The following LDLRAD4 variants were observed in gnomAD, a reference collection of about 807,000 sequenced individuals.
LDLRAD4 encodes low density lipoprotein receptor class A domain containing 4.
In LDLRAD4, 5 loss-of-function variants were observed where a neutral mutation model predicts 17.0. That is an observed-to-expected ratio of 0.29 (90% CI 0.15 to 0.62). The LOEUF (loss-of-function observed/expected upper bound fraction) is 0.62, where lower values mean the gene tolerates loss of function less well. LDLRAD4 is among the 20% of genes least tolerant of loss of function. LDLRAD4 has a pLI of 0.84. For missense variants in LDLRAD4, 340 were observed against 424.7 expected, an observed-to-expected ratio of 0.80 and a Z score of 1.75; for synonymous variants, 168 against 171.8, an observed-to-expected ratio of 0.98 and a Z score of 0.17.
chr18:13,551,577 G>C (rs964679897), intron 3 of LDLRAD4, among the ~76,000 whole-genome samples: 5 of 152,158 alleles, frequency 3.3e-5, no homozygotes, highest in African/African-American at 1.2e-4. Context: ...CCGTAGAACT[G>C]GGGGGAGTTA....
rs369342928 is a variant in LDLRAD4 at position 13,594,497 on chromosome 18, C to A, written c.182-26620C>A. ...TTAAGGCCAGCATGGTGAAAGCCAT[C>A]CCTACTAAAAATATAAAAATTAGCA... On this transcript the variant is annotated intron_variant, in intron 3 of 5. Coordinates refer to ENST00000359446, the Ensembl canonical transcript of LDLRAD4. Among the ~76,000 whole-genome samples, 9 of 151,752 alleles carry A rather than the reference C, an allele frequency of 5.9e-5. No homozygotes were observed. In the East Asian group the frequency reaches 1.2e-3, roughly 20 times the overall value.
chr18:13,229,391 A>G (rs2041960344), intron 1 of LDLRAD4, among the ~76,000 whole-genome samples: 1 of 152,216 alleles, frequency 6.6e-6, no homozygotes, highest in African/African-American at 2.4e-5. Context: ...AGGATTAGAT[A>G]AGATCATATG....
chr18:13,238,679 G>T (rs1367503777), intron 1 of LDLRAD4, among the ~76,000 whole-genome samples: 1 of 152,190 alleles, frequency 6.6e-6, no homozygotes, highest in African/African-American at 2.4e-5. Context: ...ACCAAATCTG[G>T]GTTACTTTTA....
intron 3 of LDLRAD4, among the ~76,000 whole-genome samples, chr18:13,582,687 C>T (rs2094879751): frequency 6.6e-6 from 1 of 152,142 alleles, no homozygotes; most frequent in Non-Finnish European, 1.5e-5. Context: ...TGTGGCTCCA[C>T]TTCATCTCTG....
chr18:13,333,837 C>T (rs1208879393), intron 1 of LDLRAD4, among the ~76,000 whole-genome samples: 1 of 152,216 alleles, frequency 6.6e-6, no homozygotes, highest in Non-Finnish European at 1.5e-5. Flanking sequence ...TCAGGTAGTG[C>T]TAGCACATTG....
At chr18:13,625,672 G>C (rs955347064) in intron 4 of LDLRAD4, among the ~76,000 whole-genome samples, 4 of 151,582 alleles carry the variant, frequency 2.6e-5, no homozygotes, top group Non-Finnish European at 5.9e-5. Context: ...TGCAGGTGAG[G>C]AGCCGCAGCC....
intron 3 of LDLRAD4, among the ~76,000 whole-genome samples, chr18:13,534,931 G>A (rs956306390): frequency 5.9e-5 from 9 of 152,140 alleles, no homozygotes; most frequent in African/African-American, 2.2e-4. Flanking sequence ...CATGCATTAT[G>A]TCATCCTTGC....
intron 1 of LDLRAD4, among the ~76,000 whole-genome samples, chr18:13,256,365 C>T (rs2043502271): frequency 6.6e-6 from 1 of 152,164 alleles, no homozygotes; most frequent in Non-Finnish European, 1.5e-5. Flanking sequence ...AGTCACCCTC[C>T]TGGGGTCACA....
intron 1 of LDLRAD4, among the ~76,000 whole-genome samples, chr18:13,224,611 C>G (rs1477380872): frequency 1.3e-5 from 2 of 150,284 alleles, no homozygotes; most frequent in Non-Finnish European, 2.9e-5. Flanking sequence ...TCCCGAGTAG[C>G]TGGGATTACA....
chr18:13,489,015 G>A (rs996046500), intron 3 of LDLRAD4: 9 of 152,272 alleles, frequency 5.9e-5, no homozygotes, highest in Admixed American at 2.6e-4. Context: ...GAAAGTGTGG[G>A]GGCAGACTCA....
chr18:13,550,729 C>T (rs1026165092), intron 3 of LDLRAD4, among the ~76,000 whole-genome samples: 4 of 152,188 alleles, frequency 2.6e-5, no homozygotes, highest in Admixed American at 6.5e-5. Flanking sequence ...GACAGCCCTC[C>T]GGCCATCCAG....
intron 3 of LDLRAD4, among the ~76,000 whole-genome samples, chr18:13,441,814 G>A (rs565357782): frequency 8.0e-4 from 122 of 152,326 alleles, no homozygotes; most frequent in African/African-American, 2.6e-3. Context: ...CCAGGCTGAG[G>A]CATAGTGGGT....
chr18:13,262,039 C>CGTGG lies in LDLRAD4; in HGVS notation c.-466-16066_-466-16065insGTGG, dbSNP rs1567944025. ...GGGCTGAGTCCCGTGTGGCTCTGTG[C>CGTGG]ATGGAAACTGAGTCCCGTGCGGCTC... On this transcript the variant is annotated intron_variant, in intron 1 of 5. Transcript: ENST00000399848. Among the ~76,000 whole-genome samples the CGTGG allele has an allele frequency of 1.1e-3, 140 of 125,638 alleles. 39 individuals carry two copies. Among genetic ancestry groups the CGTGG allele is most frequent in the Admixed American group, 2.9e-3 (37 of 12,582 alleles). 82.4% of individuals were successfully genotyped at this position (125,638 alleles called of 152,430 possible).
chr18:13,345,216 G>A (rs1333702029), intron 1 of LDLRAD4, among the ~76,000 whole-genome samples: 2 of 152,160 alleles, frequency 1.3e-5, no homozygotes, highest in East Asian at 1.9e-4. Context: ...TTGGCTGTGG[G>A]TTTGTCATAG....
intron 1 of LDLRAD4, among the ~76,000 whole-genome samples, chr18:13,231,919 A>G (rs1394082405): frequency 2.6e-5 from 4 of 152,232 alleles, no homozygotes; most frequent in South Asian, 2.1e-4. Context: ...GTGATGCCCA[A>G]TGGTTGTCCA....
chr18:13,520,607 C>G (rs751915081), intron 3 of LDLRAD4: 12 of 152,242 alleles, frequency 7.9e-5, no homozygotes, highest in Non-Finnish European at 1.2e-4. Flanking sequence ...CATTCCAGCA[C>G]TTTGGGAGGC....
chr18:13,248,973 A>C (rs893206831), intron 1 of LDLRAD4, among the ~76,000 whole-genome samples: 3 of 152,194 alleles, frequency 2.0e-5, no homozygotes, highest in African/African-American at 7.2e-5. Context: ...AACTTTTTAC[A>C]GCATCCACAC....
At position 13,424,251 on chromosome 18, in the gene LDLRAD4, T is replaced by G. The variant is rs899143083; in HGVS notation, c.41-13993T>G. ...TGTGTGATTTATACAGCTGTAATAT[T>G]TAATGGCTTTACACGACTAATGGGC... On this transcript the variant is annotated intron_variant, in intron 2 of 5. Transcript: ENST00000359446. Among the ~76,000 whole-genome samples, 5 of 152,318 alleles carry G rather than the reference T, an allele frequency of 3.3e-5. No individual in the cohort carries two copies. The South Asian group carries it at 1.0e-3, about 32-fold the overall frequency.
At chr18:13,366,911 A>G (rs1157155646) in intron 1 of LDLRAD4, among the ~76,000 whole-genome samples, 1 of 152,226 alleles carries the variant, frequency 6.6e-6, no homozygotes, top group African/African-American at 2.4e-5. Context: ...CTGTCTTCCC[A>G]TATTTCTTGC....
Sources: gnomAD v4.1 joint callset for allele counts (sites outside exome capture counted in the v4.1 genomes callset) on GRCh38, gnomAD v4.1.1 for gene constraint, MANE v1.5 for transcripts, NCBI Gene and HGNC (gene_info 2026-07-23, HGNC 2026-07-21) for gene names.